The following CRCP variants were observed in gnomAD, a reference collection of about 807,000 sequenced individuals.
The protein encoded by CRCP is DNA-directed RNA polymerase III subunit RPC9.
A neutral mutation model predicts 18.5 loss-of-function variants in CRCP; 18 were observed. The ratio of observed to expected loss-of-function variants is 0.97; its 90% confidence interval spans 0.67 to 1.44. The LOEUF (loss-of-function observed/expected upper bound fraction) is 1.44. CRCP is among the 40% of genes most tolerant of loss of function. The pLI is 0.00. For missense variants in CRCP, 130 were observed against 176.4 expected, an observed-to-expected ratio of 0.74 and a Z score of 1.49; for synonymous variants, 53 against 62.9, an observed-to-expected ratio of 0.84 and a Z score of 0.75.
intron 1 of CRCP, among the ~76,000 whole-genome samples, chr7:66,125,724 G>A (rs1787600601): frequency 1.3e-5 from 2 of 149,392 alleles, no homozygotes; most frequent in African/African-American, 4.8e-5. Flanking sequence ...CCACGACGTG[G>A]AATATTCTGA....
intron 1 of CRCP, 143 bp downstream of exon 1, chr7:66,115,113 G>A: frequency 8.1e-7 from 1 of 1,232,372 alleles, no homozygotes; most frequent in Non-Finnish European, 1.1e-6. Flanking sequence ...GGAGGGCCGC[G>A]GGGTGGTGAC....
At chr7:66,147,727 G>T (rs1314474610) in intron 5 of CRCP, among the ~76,000 whole-genome samples, 1 of 152,156 alleles carries the variant, frequency 6.6e-6, no homozygotes, top group Non-Finnish European at 1.5e-5. Flanking sequence ...GTTTACCAAG[G>T]TTTGTAGCAG....
rs555143919 is a variant in CRCP at position 66,128,444 on chromosome 7, A to G, written c.45+704A>G. The stretch of plus-strand genomic sequence containing the variant: ...TCACCTTTGATATATTTATATATTT[A>G]TAATGCTTTTATACATTGCAAATAG... On this transcript the variant is annotated intron_variant, in intron 2 of 5. Transcript: ENST00000395326. 5.9e-5 allele frequency among the ~76,000 whole-genome samples: 9 copies of G among 152,286 alleles called. No individual in the cohort carries two copies. The East Asian group carries it at 1.7e-3, about 29-fold the overall frequency.
chr7:66,151,609 A>G (rs546500991), intron 5 of CRCP, among the ~76,000 whole-genome samples: 16 of 152,080 alleles, frequency 1.1e-4, no homozygotes, highest in Non-Finnish European at 1.9e-4. Flanking sequence ...TGTGAAATAT[A>G]AAAGTACATA....
intron 1 of CRCP, among the ~76,000 whole-genome samples, chr7:66,116,106 A>G (rs1398320689): frequency 6.6e-6 from 1 of 151,432 alleles, no homozygotes; most frequent in Non-Finnish European, 1.5e-5. Context: ...GCCTCTTCCG[A>G]TTTTTTTTTA....
chr7:66,115,475 G>A (rs1787231272), intron 1 of CRCP, among the ~76,000 whole-genome samples: 1 of 152,154 alleles, frequency 6.6e-6, no homozygotes, highest in South Asian at 2.1e-4. Flanking sequence ...GAGGGAAGGG[G>A]CTGGTTTTGG....
chr7:66,145,437 CCA>C lies in CRCP; in HGVS notation c.240-3_240-2del. ...GAGTTGTCAACGCTGTACTTTCCCT[CCA>C]CAGAGCTGAGAAGCTCCAGCTGCTG... On this transcript the variant is annotated splice_region_variant and splice_polypyrimidine_tract_variant and intron_variant, in intron 4 of 5. Coordinates refer to ENST00000395326, the MANE Select transcript of CRCP (RefSeq NM_014478.5). 1 of 1,613,784 alleles carries C rather than the reference CCA, an allele frequency of 6.2e-7. No homozygotes were observed. The highest frequency in any genetic ancestry group is 8.5e-7 in the Non-Finnish European group (1 of 1,179,792).
intron 1 of CRCP, 44 bp downstream of exon 1, chr7:66,115,014 C>T: frequency 6.3e-7 from 1 of 1,595,846 alleles, no homozygotes. Context: ...AGGAGCCCAA[C>T]GGTTTGACCG....
intron 5 of CRCP, among the ~76,000 whole-genome samples, chr7:66,151,842 A>C (rs1584105548): frequency 7.8e-6 from 1 of 128,418 alleles, no homozygotes; most frequent in South Asian, 2.4e-4. Flanking sequence ...TGATCCTCCC[A>C]CCTCAGCCCC....
At chr7:66,128,091 G>A (rs1267581462) in intron 2 of CRCP, among the ~76,000 whole-genome samples, 3 of 149,228 alleles carry the variant, frequency 2.0e-5, no homozygotes, top group Admixed American at 1.4e-4. Context: ...CTCCAGCCTG[G>A]GCAATAGACC....
At chr7:66,136,862 G>A (rs1236395944) in intron 4 of CRCP, among the ~76,000 whole-genome samples, 6 of 150,950 alleles carry the variant, frequency 4.0e-5, no homozygotes, top group Middle Eastern at 3.4e-3. Context: ...GGTGGATCAC[G>A]AGGTCAGGAG....
At chr7:66,134,460 G>T in intron 4 of CRCP, 86 bp downstream of exon 4, 1 of 936,004 alleles carries the variant, frequency 1.1e-6, no homozygotes, top group Non-Finnish European at 1.7e-6. Flanking sequence ...TTGATATTCG[G>T]CTGGGTTTGG....
intron 2 of CRCP, among the ~76,000 whole-genome samples, chr7:66,128,932 C>G (rs148388494): frequency 6.6e-6 from 1 of 152,212 alleles, no homozygotes; most frequent in African/African-American, 2.4e-5. Context: ...AGTGCAGTGT[C>G]TCACGCCTGT....
intron 1 of CRCP, among the ~76,000 whole-genome samples, chr7:66,119,199 C>A (rs1335785269): frequency 1.3e-5 from 2 of 152,192 alleles, no homozygotes; most frequent in African/African-American, 4.8e-5. Flanking sequence ...CTTCAATCAT[C>A]TCTCTAATGA....
Position 66,154,117 on chromosome 7 carries a change from G to A in CRCP, c.*1760G>A, listed in dbSNP as rs1129531. The A allele has an allele frequency of 0.64, 97,370 of 151,084 alleles. 31,827 individuals carry two copies. Among genetic ancestry groups the A allele is most frequent in the African/African-American group, 0.74 (30,461 of 41,092 alleles). The allele number at this position is 151,084 out of a possible 1,614,324, so 9.4% of individuals were successfully genotyped here. On this transcript the variant is annotated 3_prime_UTR_variant, in exon 6 of 6. Transcript: ENST00000395326. ...TCTGTCTAGCGTATTGAGAATTTTA[G>A]TGGGAGCTGTTGATTTATTTCTCAG...
At chr7:66,126,767 A>C (rs1562761845) in intron 1 of CRCP, 2 of 321,266 alleles carry the variant, frequency 6.2e-6, no homozygotes, top group East Asian at 1.8e-4. Context: ...AGTAGTGATA[A>C]TGTTGGTGCT....
At position 66,149,869 on chromosome 7, in the gene CRCP, C is replaced by T. The variant is rs145205533; in HGVS notation, c.298-2339C>T. 6.1e-3 allele frequency among the ~76,000 whole-genome samples: 933 copies of T among 152,114 alleles called. 10 individuals are homozygous for T. The highest frequency in any genetic ancestry group is 0.021 in the African/African-American group (869 of 41,538). ...TCACCCAGGCTGGAGTGCAGTGGCA[C>T]GATCTTGGCTTACTACAACCTCTGC... On this transcript the variant is annotated intron_variant, in intron 5 of 5. Transcript: ENST00000395326.
At chr7:66,152,026 C>T (rs933509837) in intron 5 of CRCP, among the ~76,000 whole-genome samples, 182 bp from the exon 6 acceptor site, 2 of 152,100 alleles carry the variant, frequency 1.3e-5, no homozygotes, top group African/African-American at 4.8e-5. Flanking sequence ...GTCGCATTGG[C>T]TCAGTCCAGG....
chr7:66,131,067 C>T (rs1435866073), intron 3 of CRCP, among the ~76,000 whole-genome samples: 1 of 152,166 alleles, frequency 6.6e-6, no homozygotes, highest in Non-Finnish European at 1.5e-5. Flanking sequence ...CTCCACCTCC[C>T]AGGTTCATGC....
Sources: allele counts gnomAD v4.1 joint callset (sites outside exome capture counted in the v4.1 genomes callset), GRCh38; gene constraint gnomAD v4.1.1; transcripts MANE v1.5; gene names NCBI Gene and HGNC (gene_info 2026-07-23, HGNC 2026-07-21).